The following RPH3A variants were observed in gnomAD, a reference collection of about 807,000 sequenced individuals.
The protein encoded by RPH3A is rabphilin-3A.
A neutral mutation model predicts 102.2 loss-of-function variants in RPH3A; 48 were observed. The ratio of observed to expected loss-of-function variants is 0.47; its 90% CI spans 0.37 to 0.60. The LOEUF (loss-of-function observed/expected upper bound fraction) is 0.60, where lower values mean the gene tolerates loss of function less well. Ranked by LOEUF, RPH3A falls within the 20% of genes least tolerant of loss-of-function variation. The pLI, the probability that RPH3A is intolerant of heterozygous loss-of-function variation, is 0.00. For synonymous variants in RPH3A, 310 were observed against 324.3 expected (o/e 0.96, Z 0.47); for missense variants, 781 against 910.1 (o/e 0.86, Z 1.83).
chr12:112,784,179 T>C, intron 1 of RPH3A, among the ~76,000 whole-genome samples: 1 of 152,140 alleles, frequency 6.6e-6, no homozygotes, highest in East Asian at 1.9e-4. Flanking sequence ...TTCCAGCAAA[T>C]ATCAGCCCCC....
intron 2 of RPH3A, among the ~76,000 whole-genome samples, chr12:112,797,335 T>G (rs1409334796): frequency 6.6e-6 from 1 of 152,124 alleles, no homozygotes; most frequent in Non-Finnish European, 1.5e-5. Context: ...CAGGCTTGGT[T>G]TCTTGGAGCA....
At chr12:112,578,316 G>T (rs1468945971) in intron 1 of RPH3A, among the ~76,000 whole-genome samples, 1 of 152,170 alleles carries the variant, frequency 6.6e-6, no homozygotes, top group African/African-American at 2.4e-5. Flanking sequence ...TCAAGAGTAT[G>T]AGTCAATCAA....
chr12:112,761,611 C>T (rs973644246), intron 1 of RPH3A, among the ~76,000 whole-genome samples: 7 of 152,222 alleles, frequency 4.6e-5, no homozygotes, highest in Non-Finnish European at 1.0e-4. Context: ...GCCTGCTTCT[C>T]CTTCCTCTTG....
Position 112,836,124 on chromosome 12 carries a change from G to A in RPH3A, c.72-367G>A, listed in dbSNP as rs73427042. ...TGTTCAGGGCCGATTGCTCTACCTAGTATGGTCCTTGTCCCCCAGTGTTTG... is the reference window on the plus strand; with the variant it reads ...TGTTCAGGGCCGATTGCTCTACCTAATATGGTCCTTGTCCCCCAGTGTTTG... On this transcript the variant is annotated intron_variant, in intron 3 of 21. Coordinates refer to ENST00000389385, the MANE Select transcript of RPH3A (RefSeq NM_001143854.2). Among the ~76,000 whole-genome samples the A allele has an allele frequency of 4.4e-3, 674 of 152,336 alleles. 5 individuals are homozygous for A. Among genetic ancestry groups the A allele is most frequent in the African/African-American group, 0.016 (664 of 41,578 alleles).
chr12:112,804,164 G>A (rs1236659232), intron 2 of RPH3A, among the ~76,000 whole-genome samples: 1 of 152,200 alleles, frequency 6.6e-6, no homozygotes, highest in Non-Finnish European at 1.5e-5. Context: ...AATTTCCCAA[G>A]ATTGCAAGAT....
chr12:112,580,208 T>C (rs1490017059), intron 1 of RPH3A, among the ~76,000 whole-genome samples: 1 of 151,700 alleles, frequency 6.6e-6, no homozygotes, highest in East Asian at 1.9e-4. Flanking sequence ...GTTCTCCGCC[T>C]CTCTCTCCAC....
chr12:112,779,969 GA>G (rs1236529392), intron 1 of RPH3A, among the ~76,000 whole-genome samples: 1 of 152,198 alleles, frequency 6.6e-6, no homozygotes. Flanking sequence ...CACAAGCCAA[GA>G]AACTGCAAGG....
At chr12:112,792,431 C>T (rs972892202) in intron 2 of RPH3A, among the ~76,000 whole-genome samples, 168 bp downstream of exon 2, 2 of 152,222 alleles carry the variant, frequency 1.3e-5, no homozygotes, top group Admixed American at 6.5e-5. Context: ...ACCTAAGCGG[C>T]ATCCCAAAGC....
chr12:112,880,280 G>GT (rs1222175807), intron 14 of RPH3A, among the ~76,000 whole-genome samples: 2 of 152,134 alleles, frequency 1.3e-5, no homozygotes, highest in Non-Finnish European at 2.9e-5. Context: ...CACCAAGTAT[G>GT]TATCAGGATT....
intron 1 of RPH3A, among the ~76,000 whole-genome samples, chr12:112,665,372 G>C (rs1566249225): frequency 6.6e-6 from 1 of 152,176 alleles, no homozygotes; most frequent in Non-Finnish European, 1.5e-5. Flanking sequence ...ATTGAACTTA[G>C]TGTGTCAGAA....
At chr12:112,771,836 A>C (rs1050354647) in intron 1 of RPH3A, among the ~76,000 whole-genome samples, 1 of 152,342 alleles carries the variant, frequency 6.6e-6, no homozygotes, top group East Asian at 1.9e-4. Context: ...GATAGAAGTC[A>C]GCATAGAATA....
chr12:112,796,380 GGTGAGATCCTTAAGGGCCAAGGCT>G (rs2041230320), intron 2 of RPH3A, among the ~76,000 whole-genome samples: 1 of 152,188 alleles, frequency 6.6e-6, no homozygotes, highest in Non-Finnish European at 1.5e-5. Context: ...GGTGCTACAG[GGTGAGATCCTTAAGGGCCAAGGCT>G]GTGATATCTT....
In RPH3A at chr12:112,771,117, A is replaced by G. The variant is rs190907665; in HGVS notation, c.-139-21026A>G. On this transcript the variant is annotated intron_variant, in intron 1 of 21. Coordinates refer to the RPH3A transcript ENST00000543106. ...GTTCCCTAATTTTCTTGCTAGAGAC[A>G]CTGTCTACTTCCAGTCTCGTATGTG... Among the ~76,000 whole-genome samples the G allele has an allele frequency of 3.9e-5, 6 of 152,346 alleles. No homozygotes were observed. The East Asian group carries it at 5.8e-4, about 15-fold the overall frequency.
chr12:112,801,984 T>C (rs2041363740), intron 2 of RPH3A, among the ~76,000 whole-genome samples: 2 of 152,216 alleles, frequency 1.3e-5, no homozygotes, highest in African/African-American at 4.8e-5. Flanking sequence ...AATTGTTGCT[T>C]TTCTCCAAGG....
At chr12:112,615,893 C>A (rs1404415563) in intron 1 of RPH3A, among the ~76,000 whole-genome samples, 1 of 152,090 alleles carries the variant, frequency 6.6e-6, no homozygotes, top group Non-Finnish European at 1.5e-5. Context: ...TAGAATGACG[C>A]CTGGCAGCTA....
At chr12:112,872,883 T>C (rs1307634973) in intron 10 of RPH3A, among the ~76,000 whole-genome samples, 1 of 152,162 alleles carries the variant, frequency 6.6e-6, no homozygotes, top group African/African-American at 2.4e-5. Context: ...CCACCTTGAG[T>C]TGGGTTAGCT....
chr12:112,861,368 T>C (rs1421805952), intron 5 of RPH3A, among the ~76,000 whole-genome samples: 2 of 152,004 alleles, frequency 1.3e-5, no homozygotes, highest in African/African-American at 4.8e-5. Flanking sequence ...CAGTGAGAGG[T>C]AGATGGGCTA....
intron 1 of RPH3A, among the ~76,000 whole-genome samples, chr12:112,643,603 AT>A (rs1367729420): frequency 6.6e-6 from 1 of 152,206 alleles, no homozygotes; most frequent in East Asian, 1.9e-4. Context: ...AAATTCTATG[AT>A]TCTAGGCTGT....
At chr12:112,733,526 G>A (rs561582150) in intron 1 of RPH3A, among the ~76,000 whole-genome samples, 34 of 152,254 alleles carry the variant, frequency 2.2e-4, no homozygotes, top group African/African-American at 7.7e-4. Context: ...CCAACAGGGA[G>A]CTCCCATCAA....
Sources: allele counts gnomAD v4.1 joint callset (sites outside exome capture counted in the v4.1 genomes callset), GRCh38; gene constraint gnomAD v4.1.1; transcripts MANE v1.5; gene names NCBI Gene and HGNC (gene_info 2026-07-23, HGNC 2026-07-21).